Variants in GUCY1A2 observed in about 807,000 individuals in gnomAD.
GUCY1A2 encodes guanylate cyclase soluble subunit alpha-2.
GUCY1A2 carries 27 observed loss-of-function variants against 63.5 expected under a neutral mutation model. The observed-to-expected ratio is 0.43, with a 90% CI of 0.31 to 0.59. The LOEUF is 0.59. GUCY1A2 is among the 20% of genes least tolerant of loss of function. The pLI is 0.11. For synonymous variants in GUCY1A2, 364 were observed against 343.5 expected (o/e 1.06, Z -0.66); for missense variants, 768 against 913.3 (o/e 0.84, Z 2.05).
intron 4 of GUCY1A2, among the ~76,000 whole-genome samples, chr11:106,851,111 T>C (rs763086148): frequency 3.9e-5 from 6 of 152,026 alleles, no homozygotes; most frequent in Admixed American, 3.9e-4. Context: ...GCTTTATTCA[T>C]ATATTTCTTG....
intron 3 of GUCY1A2, among the ~76,000 whole-genome samples, chr11:106,970,657 T>C (rs903157495): frequency 6.6e-6 from 1 of 152,198 alleles, no homozygotes. Context: ...GCTCAGCCAC[T>C]TTGTAAGACA....
chr11:106,779,906 C>T (rs188055933), intron 5 of GUCY1A2, among the ~76,000 whole-genome samples: 7 of 152,228 alleles, frequency 4.6e-5, no homozygotes, highest in South Asian at 2.1e-4. Flanking sequence ...TAAGACTAGG[C>T]GTGGTGGCTG....
In GUCY1A2 at chr11:106,708,595, C is replaced by T. The variant is rs777884871; in HGVS notation, c.1908G>A (p.Leu636=). 5.0e-5 allele frequency: 81 copies of T among 1,612,656 alleles called. No homozygotes were observed. In the Admixed American group the frequency reaches 1.3e-3, roughly 26 times the overall value. ...TTGCCAGTGTGACATTATTTCCAAA[C>T]AGGCAATAACGTGGCATTCGCACCC... The part of the protein sequence containing the change: ...VVGVRMPRYC[L]FGNNVTLASK... The change falls in exon 7 of 8, where the codon CTG becomes CTA. Residue 636 remains leucine, a synonymous_variant. Transcript: ENST00000526355.
chr11:106,968,188 T>G (rs1451469402), intron 3 of GUCY1A2, among the ~76,000 whole-genome samples: 2 of 152,194 alleles, frequency 1.3e-5, no homozygotes, highest in African/African-American at 4.8e-5. Context: ...ATTTTTAAAA[T>G]ACAAAGTTCT....
chr11:106,789,661 C>T (rs924201858), intron 5 of GUCY1A2, among the ~76,000 whole-genome samples: 21 of 152,094 alleles, frequency 1.4e-4, no homozygotes, highest in African/African-American at 3.6e-4. Context: ...GAAAGGGCCT[C>T]GGTGTTGTGA....
intron 4 of GUCY1A2, among the ~76,000 whole-genome samples, chr11:106,863,072 T>C (rs1381606809): frequency 6.6e-6 from 1 of 152,028 alleles, no homozygotes; most frequent in African/African-American, 2.4e-5. Context: ...TGTAAGAGAT[T>C]TGTATCGAGG....
At chr11:106,785,239 A>G (rs746767453) in intron 5 of GUCY1A2, among the ~76,000 whole-genome samples, 3 of 152,112 alleles carry the variant, frequency 2.0e-5, no homozygotes, top group Non-Finnish European at 4.4e-5. Flanking sequence ...TTTAAAGGAG[A>G]AGATGCAAAG....
intron 1 of GUCY1A2, among the ~76,000 whole-genome samples, chr11:106,988,285 G>GC (rs1245433781): frequency 3.3e-5 from 5 of 152,140 alleles, no homozygotes; most frequent in Non-Finnish European, 5.9e-5. Context: ...TGGGCCTCTT[G>GC]CACTGGCTTG....
chr11:106,994,975 C>T (rs563696859), intron 1 of GUCY1A2, among the ~76,000 whole-genome samples: 6 of 152,120 alleles, frequency 3.9e-5, no homozygotes, highest in East Asian at 1.9e-4. Flanking sequence ...GTCACCATCA[C>T]GGCCAATTTG....
chr11:106,903,001 C>G (rs1403601766), intron 4 of GUCY1A2, among the ~76,000 whole-genome samples: 1 of 152,124 alleles, frequency 6.6e-6, no homozygotes, highest in Non-Finnish European at 1.5e-5. Context: ...GAATCTATGT[C>G]TTGCAAAACT....
In GUCY1A2 at chr11:106,859,665, A is replaced by G. The variant is rs560188268; in HGVS notation, c.1207-49187T>C. Among the ~76,000 whole-genome samples, 55 of 152,154 alleles carry G rather than the reference A, an allele frequency of 3.6e-4. 1 individual carries two copies. Among genetic ancestry groups the G allele is most frequent in the African/African-American group, 1.3e-3 (54 of 41,558 alleles). On this transcript the variant is annotated intron_variant, in intron 4 of 7. Transcript: ENST00000526355. Reference sequence around the variant, plus strand: ...GTAAAAGTGCAGTCATACATCACCTAACAATGTTCCAGTCAATGACCGACC... The same window carrying G: ...GTAAAAGTGCAGTCATACATCACCTGACAATGTTCCAGTCAATGACCGACC...
chr11:106,965,951 G>T (rs955872991), intron 3 of GUCY1A2, among the ~76,000 whole-genome samples: 3 of 150,830 alleles, frequency 2.0e-5, no homozygotes, highest in African/African-American at 7.3e-5. Flanking sequence ...GTTCATTTCT[G>T]GAGCTCTAAA....
At chr11:106,737,721 T>G (rs1294065272) in intron 6 of GUCY1A2, among the ~76,000 whole-genome samples, 1 of 152,156 alleles carries the variant, frequency 6.6e-6, no homozygotes, top group African/African-American at 2.4e-5. Context: ...CTACAAAGGA[T>G]GTGAACTCAT....
intron 5 of GUCY1A2, among the ~76,000 whole-genome samples, chr11:106,784,266 C>T (rs528653400): frequency 3.5e-4 from 54 of 152,190 alleles, no homozygotes; most frequent in Admixed American, 8.5e-4. Flanking sequence ...GCCTGAGTCC[C>T]GGTGCCAGCC....
intron 5 of GUCY1A2, among the ~76,000 whole-genome samples, chr11:106,794,896 A>G (rs1864726802): frequency 1.3e-5 from 2 of 152,178 alleles, no homozygotes; most frequent in Non-Finnish European, 2.9e-5. Context: ...CTTTCATAGC[A>G]AATTCCTAAA....
At chr11:106,932,074 A>G (rs1860610289) in intron 4 of GUCY1A2, among the ~76,000 whole-genome samples, 1 of 152,140 alleles carries the variant, frequency 6.6e-6, no homozygotes, top group Non-Finnish European at 1.5e-5. Context: ...TTCTAACTTA[A>G]AAACAAAAGG....
At chr11:106,963,295 TATC>T (rs1861084036) in intron 3 of GUCY1A2, among the ~76,000 whole-genome samples, 1 of 152,174 alleles carries the variant, frequency 6.6e-6, no homozygotes, top group Non-Finnish European at 1.5e-5. Context: ...AGTCCAAAAT[TATC>T]ATAATAGTAA....
chr11:106,837,684 T>C (rs1346732484), intron 4 of GUCY1A2, among the ~76,000 whole-genome samples: 1 of 151,966 alleles, frequency 6.6e-6, no homozygotes, highest in Non-Finnish European at 1.5e-5. Flanking sequence ...AATGTATTTA[T>C]TGAAAAAAGA....
intron 4 of GUCY1A2, among the ~76,000 whole-genome samples, chr11:106,876,096 T>C (rs1341963710): frequency 6.6e-6 from 1 of 152,066 alleles, no homozygotes; most frequent in Admixed American, 6.6e-5. Context: ...ATCTTCCCCC[T>C]TGGAAGAATT....
Sources: gnomAD v4.1 joint callset for allele counts (sites outside exome capture counted in the v4.1 genomes callset) on GRCh38, gnomAD v4.1.1 for gene constraint, MANE v1.5 for transcripts, NCBI Gene and HGNC (gene_info 2026-07-23, HGNC 2026-07-21) for gene names.